Variants in CDH10 observed in about 807,000 individuals in gnomAD.
CDH10 encodes cadherin-10.
In CDH10, 30 loss-of-function variants were observed where a neutral mutation model predicts 73.1. The ratio of observed to expected loss-of-function variants is 0.41; its 90% confidence interval spans 0.31 to 0.56. The LOEUF (loss-of-function observed/expected upper bound fraction) is 0.56, where lower values mean the gene tolerates loss of function less well. Ranked by LOEUF, CDH10 falls within the 20% of genes least tolerant of loss-of-function variation. The pLI is 0.27. For synonymous variants in CDH10, 345 were observed against 348.2 expected (o/e 0.99, Z 0.10); for missense variants, 815 against 973.7 (o/e 0.84, Z 2.17).
chr5:24,568,563 C>A (rs1745247592), intron 2 of CDH10, among the ~76,000 whole-genome samples: 1 of 151,636 alleles, frequency 6.6e-6, no homozygotes, highest in South Asian at 2.1e-4. Context: ...CAGAATGGTT[C>A]AACTGCTGTG....
chr5:24,522,623 T>C (rs1743377376), intron 5 of CDH10, among the ~76,000 whole-genome samples: 1 of 152,162 alleles, frequency 6.6e-6, no homozygotes. Flanking sequence ...TCTGCCAAAT[T>C]GAAGCAAATG....
At chr5:24,605,551 C>G (rs145221393) in intron 1 of CDH10, among the ~76,000 whole-genome samples, 1 of 152,172 alleles carries the variant, frequency 6.6e-6, no homozygotes, top group East Asian at 1.9e-4. Context: ...CGAAGTGGGT[C>G]GTTGGCACCA....
At chr5:24,550,778 C>G (rs1190680289) in intron 2 of CDH10, among the ~76,000 whole-genome samples, 2 of 152,108 alleles carry the variant, frequency 1.3e-5, no homozygotes, top group East Asian at 3.9e-4. Context: ...ACCTAAGAGT[C>G]ACTGAGTTTT....
At chr5:24,635,394 C>T (rs933445512) in intron 1 of CDH10, among the ~76,000 whole-genome samples, 1 of 151,976 alleles carries the variant, frequency 6.6e-6, no homozygotes, top group East Asian at 1.9e-4. Context: ...TTATGTGGCT[C>T]ATGGACCTCA....
chr5:24,616,180 T>C (rs566595761), intron 1 of CDH10, among the ~76,000 whole-genome samples: 1 of 152,268 alleles, frequency 6.6e-6, no homozygotes, highest in South Asian at 2.1e-4. Flanking sequence ...AAGAGGTATC[T>C]AGCCTTGGCA....
intron 1 of CDH10, among the ~76,000 whole-genome samples, chr5:24,623,298 T>G (rs2112173831): frequency 6.6e-6 from 1 of 152,270 alleles, no homozygotes; most frequent in African/African-American, 2.4e-5. Context: ...TAACGACCAC[T>G]TGAGCAGGAA....
chr5:24,518,387 A>T (rs2111800567), intron 5 of CDH10, among the ~76,000 whole-genome samples: 1 of 152,230 alleles, frequency 6.6e-6, no homozygotes, highest in East Asian at 1.9e-4. Flanking sequence ...ATACACACAC[A>T]CATATATATG....
chr5:24,491,021 C>T (rs1427385139), intron 11 of CDH10, among the ~76,000 whole-genome samples: 3 of 152,102 alleles, frequency 2.0e-5, no homozygotes, highest in Non-Finnish European at 2.9e-5. Context: ...ACTTGATTCC[C>T]GTATGGAGGA....
At chr5:24,638,482 AT>A (rs1747940070) in intron 1 of CDH10, among the ~76,000 whole-genome samples, 1 of 151,842 alleles carries the variant, frequency 6.6e-6, no homozygotes, top group South Asian at 2.1e-4. Flanking sequence ...CTCTAAGTAT[AT>A]GTCTGTGCTT....
chr5:24,549,685 G>A (rs937391469), intron 2 of CDH10, among the ~76,000 whole-genome samples: 3 of 151,718 alleles, frequency 2.0e-5, no homozygotes, highest in Admixed American at 6.6e-5. Flanking sequence ...CCGAGTAGCT[G>A]GGATTATAGG....
intron 5 of CDH10, among the ~76,000 whole-genome samples, chr5:24,511,718 C>T (rs1002455819): frequency 3.9e-5 from 6 of 152,196 alleles, no homozygotes; most frequent in East Asian, 1.9e-4. Flanking sequence ...TAGGAACTTC[C>T]GGGGCTTTTG....
At chr5:24,517,928 C>A (rs1743170927) in intron 5 of CDH10, among the ~76,000 whole-genome samples, 1 of 152,108 alleles carries the variant, frequency 6.6e-6, no homozygotes, top group Non-Finnish European at 1.5e-5. Context: ...TAAGGGTGAT[C>A]CAGATGTAAA....
intron 2 of CDH10, among the ~76,000 whole-genome samples, chr5:24,592,912 A>G (rs1281835883): frequency 6.6e-6 from 1 of 151,470 alleles, no homozygotes; most frequent in African/African-American, 2.4e-5. Context: ...AAATATATAT[A>G]TATATATATA....
chr5:24,568,375 C>A (rs1435961191), intron 2 of CDH10, among the ~76,000 whole-genome samples: 40 of 151,976 alleles, frequency 2.6e-4, no homozygotes, highest in Admixed American at 2.4e-3. Flanking sequence ...ATCCAAATGG[C>A]CAGTAAGTAC....
chr5:24,636,128 G>C (rs1159282337), intron 1 of CDH10, among the ~76,000 whole-genome samples: 1 of 151,904 alleles, frequency 6.6e-6, no homozygotes, highest in Admixed American at 6.6e-5. Context: ...GATAGCACTA[G>C]AACACCTATT....
intron 2 of CDH10, among the ~76,000 whole-genome samples, chr5:24,538,651 C>CCCAAAGGT (rs1291003683): frequency 2.5e-4 from 38 of 152,102 alleles, no homozygotes; most frequent in Admixed American, 3.9e-4. Context: ...TACTACTGTA[C>CCCAAAGGT]TAGTGACTGA....
intron 1 of CDH10, among the ~76,000 whole-genome samples, chr5:24,633,326 G>T (rs1028514700): frequency 3.3e-5 from 5 of 151,674 alleles, no homozygotes; most frequent in African/African-American, 1.2e-4. Flanking sequence ...AGTCAAAGAG[G>T]CTTGATATTT....
intron 2 of CDH10, among the ~76,000 whole-genome samples, chr5:24,554,938 T>C (rs565072751): frequency 6.6e-6 from 1 of 152,096 alleles, no homozygotes; most frequent in Non-Finnish European, 1.5e-5. Context: ...ATTTGCTTCT[T>C]GCTCTCTCTT....
At chr5:24,567,930 T>C (rs1230143580) in intron 2 of CDH10, among the ~76,000 whole-genome samples, 1 of 152,088 alleles carries the variant, frequency 6.6e-6, no homozygotes, top group African/African-American at 2.4e-5. Context: ...GATATAAAAA[T>C]GTACACTTCA....
Sources: gnomAD v4.1 joint callset for allele counts (sites outside exome capture counted in the v4.1 genomes callset) on GRCh38, gnomAD v4.1.1 for gene constraint, MANE v1.5 for transcripts, NCBI Gene and HGNC (gene_info 2026-07-23, HGNC 2026-07-21) for gene names.